PELI1: variants seen among roughly 807,000 people sequenced by gnomAD.
The protein encoded by PELI1 is pellino E3 ubiquitin protein ligase 1.
PELI1 carries 15 observed loss-of-function variants against 41.3 expected under a neutral mutation model. That is an observed-to-expected ratio of 0.36 (90% CI 0.24 to 0.56). The LOEUF (loss-of-function observed/expected upper bound fraction) is 0.56. Ranked by LOEUF, PELI1 falls within the 20% of genes least tolerant of loss-of-function variation. The probability of loss-of-function intolerance (pLI) is 0.82; values close to 1 mark genes in which losing one functional copy is unlikely to be tolerated. For missense variants in PELI1, 403 were observed against 525.5 expected (o/e 0.77, Z 2.28); for synonymous variants, 178 against 180.1 (o/e 0.99, Z 0.09).
Position 64,104,363 on chromosome 2 carries a change from G to T in PELI1, c.201+338C>A, listed in dbSNP as rs556803773. Reference sequence around the variant, plus strand: ...GTCCAGGGAGACCCCTCTAGTAACAGAGTGGGAACTTCCCACTTCTCAGGG... The same window carrying T: ...GTCCAGGGAGACCCCTCTAGTAACATAGTGGGAACTTCCCACTTCTCAGGG... On this transcript the variant is annotated intron_variant, in intron 3 of 6. Coordinates refer to ENST00000358912, the MANE Select transcript of PELI1 (RefSeq NM_020651.4). Among the ~76,000 whole-genome samples the T allele has an allele frequency of 5.3e-5, 8 of 152,224 alleles. No individual in the cohort carries two copies. The South Asian group carries it at 6.2e-4, about 12-fold the overall frequency.
intron 1 of PELI1, among the ~76,000 whole-genome samples, chr2:64,142,425 T>C (rs1260144320): frequency 6.6e-6 from 1 of 152,232 alleles, no homozygotes; most frequent in African/African-American, 2.4e-5. Context: ...CTATTCACTA[T>C]TACTACAGTT....
Position 64,095,139 on chromosome 2 carries a change from C to A in PELI1, c.820G>T (p.Glu274Ter). 6.2e-7 allele frequency: 1 copy of A among 1,614,170 alleles called. No homozygotes were observed. The highest frequency in any genetic ancestry group is 8.5e-7 in the Non-Finnish European group (1 of 1,180,020). ...CACTGAGGTCGTGCTGCATTGATTT[C>A]CTGTCTTAAAGCTTCTAAATGCTTC... ...TVKHLEALRQ[E>*]INAARPQCPV... Residue 274 changes from glutamate (E) to a stop codon, truncating the protein, a stop_gained, in exon 7 of 7, where the codon GAA becomes TAA. Transcript: ENST00000358912. LOFTEE classifies it high-confidence loss of function.
At position 64,108,463 on chromosome 2, in the gene PELI1, A is replaced by G. The variant is rs1367319167; in HGVS notation, c.-69-84T>C. 8 of 617,022 alleles carry G rather than the reference A, an allele frequency of 1.3e-5. No individual in the cohort carries two copies. In the East Asian group the frequency reaches 2.2e-4, roughly 17 times the overall value. 38.2% of individuals were successfully genotyped at this position (617,022 alleles called of 1,614,324 possible). A position where few individuals can be genotyped will look rare whatever the true frequency, so the allele number is the denominator to read the frequency against. ...TGTTATTTTTCAGCAGTCCTCTTGA[A>G]CACAATATTATGCAAACCATCACAA... On this transcript the variant is annotated intron_variant, in intron 1 of 6. Transcript: ENST00000358912.
chr2:64,116,627 AACT>A (rs1423344636), intron 1 of PELI1, among the ~76,000 whole-genome samples: 1 of 152,204 alleles, frequency 6.6e-6, no homozygotes, highest in Non-Finnish European at 1.5e-5. Flanking sequence ...ATGAGATAGG[AACT>A]ATTATAACCC....
intron 4 of PELI1, 101 bp downstream of exon 4, chr2:64,100,297 A>G (rs1352335227): frequency 6.0e-6 from 4 of 664,758 alleles, no homozygotes; most frequent in Non-Finnish European, 1.1e-5. Flanking sequence ...ATAAAATACA[A>G]TATAAAAATC....
intron 1 of PELI1, among the ~76,000 whole-genome samples, chr2:64,110,195 A>G (rs376831851): frequency 7.3e-5 from 11 of 151,440 alleles, no homozygotes; most frequent in Middle Eastern, 6.8e-3. Context: ...CAGTGAGCCA[A>G]AATTGCGCCA....
chr2:64,129,388 C>G (rs1232039644), intron 1 of PELI1, among the ~76,000 whole-genome samples: 1 of 151,908 alleles, frequency 6.6e-6, no homozygotes. Context: ...TTTAATATAC[C>G]CCTGACATTC....
chr2:64,096,316 A>G lies in PELI1; in HGVS notation c.502-3T>C, dbSNP rs1680234113. 2 of 1,613,096 alleles carry G rather than the reference A, an allele frequency of 1.2e-6. No individual in the cohort carries two copies. The highest frequency in any genetic ancestry group is 3.3e-5 in the Admixed American group (2 of 59,974). On this transcript the variant is annotated splice_region_variant and splice_polypyrimidine_tract_variant and intron_variant, in intron 5 of 6. Coordinates refer to ENST00000358912, the MANE Select transcript of PELI1 (RefSeq NM_020651.4). ...GTCTTCCATTTGGCAGCCTTCTCCT[A>G]GTAGAAATAATAGCAGTGAGCTTCC...
At chr2:64,098,387 G>A (rs937886430) in intron 4 of PELI1, among the ~76,000 whole-genome samples, 2 of 152,078 alleles carry the variant, frequency 1.3e-5, no homozygotes, top group Non-Finnish European at 2.9e-5. Context: ...CAATCCAGCC[G>A]AATTTCCTGC....
rs1031274513 is a variant in PELI1 at position 64,094,726 on chromosome 2, A to T, written c.1233T>A (p.Leu411=). 2 of 1,613,728 alleles carry T rather than the reference A, an allele frequency of 1.2e-6. No homozygotes were observed. Among genetic ancestry groups the T allele is most frequent in the African/African-American group, 2.7e-5 (2 of 74,922 alleles). Residue 411 remains leucine, a synonymous_variant, in exon 7 of 7, where the codon CTT becomes CTA. Coordinates refer to ENST00000358912, the MANE Select transcript of PELI1 (RefSeq NM_020651.4). The part of the protein sequence containing the change: ...QLAGEQGYIR[L]IFQGPLD Reference sequence around the variant, plus strand: ...GTTAGTCTAGAGGTCCTTGAAAAATAAGTCTGATGTAGCCTTGTTCACCAG... The same window carrying T: ...GTTAGTCTAGAGGTCCTTGAAAAATTAGTCTGATGTAGCCTTGTTCACCAG...
chr2:64,116,999 GA>G (rs1046426346), intron 1 of PELI1, among the ~76,000 whole-genome samples: 3 of 152,172 alleles, frequency 2.0e-5, no homozygotes, highest in African/African-American at 7.2e-5. Flanking sequence ...GGGGTGCCCT[GA>G]ATTGTGTCCA....
At chr2:64,098,445 C>T (rs1349596220) in intron 4 of PELI1, among the ~76,000 whole-genome samples, 2 of 152,216 alleles carry the variant, frequency 1.3e-5, no homozygotes, top group African/African-American at 4.8e-5. Flanking sequence ...TCTTTCACCA[C>T]ACTGTGTACT....
intron 1 of PELI1, among the ~76,000 whole-genome samples, chr2:64,135,221 A>AT (rs1681677917): frequency 6.6e-6 from 1 of 152,098 alleles, no homozygotes; most frequent in South Asian, 2.1e-4. Context: ...TAGTTTAGGT[A>AT]TGTAGGTTCT....
In PELI1 at chr2:64,104,107, G is replaced by A. The variant is rs542213527; in HGVS notation, c.201+594C>T. On this transcript the variant is annotated intron_variant, in intron 3 of 6. Coordinates refer to ENST00000358912, the MANE Select transcript of PELI1 (RefSeq NM_020651.4). The stretch of plus-strand genomic sequence containing the variant: ...ATGAAATAGGCTAGGGGGTTGAGAA[G>A]TTATATTGTAGATGCAGTTGGATAT... Among the ~76,000 whole-genome samples, 28 of 152,300 alleles carry A rather than the reference G, an allele frequency of 1.8e-4. No homozygotes were observed. The South Asian group carries it at 5.0e-3, about 27-fold the overall frequency.
intron 1 of PELI1, among the ~76,000 whole-genome samples, chr2:64,129,491 C>T (rs541594977): frequency 1.1e-4 from 17 of 152,262 alleles, no homozygotes; most frequent in African/African-American, 4.1e-4. Flanking sequence ...CAGTAAACTG[C>T]AATTACAACC....
chr2:64,103,894 CATTACAAT>C (rs1032916399), intron 3 of PELI1, among the ~76,000 whole-genome samples: 35 of 152,278 alleles, frequency 2.3e-4, no homozygotes, highest in Admixed American at 7.8e-4. Flanking sequence ...CTTATTTGCT[CATTACAAT>C]ATTAAATTCT....
intron 1 of PELI1, among the ~76,000 whole-genome samples, chr2:64,127,445 C>A (rs938700755): frequency 6.6e-6 from 1 of 152,196 alleles, no homozygotes; most frequent in African/African-American, 2.4e-5. Flanking sequence ...TTTAGTAGAT[C>A]ATAACATCAC....
At chr2:64,100,373 A>G in intron 4 of PELI1, 25 bp downstream of exon 4, 2 of 1,251,786 alleles carry the variant, frequency 1.6e-6, no homozygotes, top group East Asian at 4.7e-5. Flanking sequence ...TTTCTTAAGA[A>G]AAAAAATTTA....
intron 1 of PELI1, among the ~76,000 whole-genome samples, chr2:64,117,814 A>ATT (rs879313044): frequency 2.7e-5 from 4 of 146,590 alleles, no homozygotes; most frequent in Non-Finnish European, 6.1e-5. Flanking sequence ...TTTCCCAATA[A>ATT]TTTTTTTTTT....
Sources: allele counts gnomAD v4.1 joint callset (sites outside exome capture counted in the v4.1 genomes callset), GRCh38; gene constraint gnomAD v4.1.1; transcripts MANE v1.5; gene names NCBI Gene and HGNC (gene_info 2026-07-23, HGNC 2026-07-21).